APBB2: variants seen among roughly 807,000 people sequenced by gnomAD.
APBB2 encodes the protein amyloid beta precursor protein binding family B member 2.
Under a neutral mutation model 82.5 loss-of-function variants are expected in APBB2, and 38 were observed. The ratio of observed to expected loss-of-function variants is 0.46; its 90% CI spans 0.36 to 0.60. APBB2 has a LOEUF of 0.60. APBB2 is among the 20% of genes least tolerant of loss of function. The pLI, the probability that APBB2 is intolerant of heterozygous loss-of-function variation, is 0.00. For missense variants in APBB2, 772 were observed against 972.3 expected (o/e 0.79, Z 2.74); for synonymous variants, 341 against 368.2 (o/e 0.93, Z 0.85).
intron 2 of APBB2, among the ~76,000 whole-genome samples, chr4:41,128,678 C>A (rs1421547065): frequency 1.3e-5 from 2 of 152,130 alleles, no homozygotes; most frequent in African/African-American, 4.8e-5. Flanking sequence ...GCTGGATATA[C>A]AGCAGTGAAC....
In APBB2 at chr4:40,810,895, T is replaced by G. The variant is rs1744272054; in HGVS notation, c.*5197A>C. 3 of 152,224 alleles carry G rather than the reference T, an allele frequency of 2.0e-5. No individual in the cohort carries two copies. The highest frequency in any genetic ancestry group is 2.0e-4 in the Admixed American group (3 of 15,280). The allele number at this position is 152,224 out of a possible 1,614,324, so 9.4% of individuals were successfully genotyped here. A position where few individuals can be genotyped will look rare whatever the true frequency, so the allele number is the denominator to read the frequency against. ...TTGTTCAGTAAAGAATCCCATTGTG[T>G]ATCATAAGAATCCCTTATCCTTTTC... On this transcript the variant is annotated 3_prime_UTR_variant, in exon 18 of 18. Transcript: ENST00000508593.
intron 6 of APBB2, among the ~76,000 whole-genome samples, chr4:40,946,683 T>C (rs1788544801): frequency 1.3e-5 from 2 of 151,504 alleles, no homozygotes; most frequent in African/African-American, 2.4e-5. Flanking sequence ...TCAATGTATG[T>C]AGGAAGAAAA....
At chr4:41,060,207 G>C (rs1173451616) in intron 4 of APBB2, among the ~76,000 whole-genome samples, 1 of 152,074 alleles carries the variant, frequency 6.6e-6, no homozygotes, top group Non-Finnish European at 1.5e-5. Flanking sequence ...CAAAACCTGT[G>C]CCCAAGAGCT....
chr4:40,821,804 T>C, intron 17 of APBB2, 67 bp downstream of exon 17: 3 of 1,559,088 alleles, frequency 1.9e-6, no homozygotes, highest in East Asian at 2.3e-5. Context: ...GATTCTGCTA[T>C]AATGTATGGC....
chr4:41,010,576 G>A (rs1289690476), intron 6 of APBB2, among the ~76,000 whole-genome samples: 1 of 152,144 alleles, frequency 6.6e-6, no homozygotes, highest in African/African-American at 2.4e-5. Flanking sequence ...AGACTGGAGT[G>A]CACAAACTTT....
chr4:40,922,979 C>CT (rs5857757), intron 10 of APBB2, among the ~76,000 whole-genome samples: 7,576 of 140,544 alleles, frequency 0.054, 636 homozygotes, highest in African/African-American at 0.18. Flanking sequence ...CAATTTTTTT[C>CT]TTTTTTTTTT....
At position 40,994,536 on chromosome 4, in the gene APBB2, G is replaced by C. The variant is rs568514823; in HGVS notation, c.835+19047C>G. Among the ~76,000 whole-genome samples, 5 of 152,090 alleles carry C rather than the reference G, an allele frequency of 3.3e-5. No homozygotes were observed. The East Asian group carries it at 7.7e-4, about 24-fold the overall frequency. ...AGAAAATATTACTGTATCTTGGGCCGGGTGCAGTGACTCATGCCTGTAATC... is the reference window on the plus strand; with the variant it reads ...AGAAAATATTACTGTATCTTGGGCCCGGTGCAGTGACTCATGCCTGTAATC... On this transcript the variant is annotated intron_variant, in intron 6 of 17. Transcript: ENST00000508593.
intron 6 of APBB2, among the ~76,000 whole-genome samples, chr4:40,967,514 T>A (rs1474912826): frequency 1.3e-5 from 2 of 152,134 alleles, no homozygotes; most frequent in Non-Finnish European, 2.9e-5. Context: ...GTGCCAGCCA[T>A]GGAAGTTACT....
intron 10 of APBB2, among the ~76,000 whole-genome samples, chr4:40,923,376 G>A: frequency 6.6e-6 from 1 of 152,252 alleles, no homozygotes; most frequent in Non-Finnish European, 1.5e-5. Context: ...AAGCCTGAGA[G>A]AACAAGTTCT....
At chr4:41,141,918 G>A (rs1170581444) in intron 2 of APBB2, among the ~76,000 whole-genome samples, 2 of 152,186 alleles carry the variant, frequency 1.3e-5, no homozygotes, top group Non-Finnish European at 2.9e-5. Context: ...AATTATGAGA[G>A]TTACAATTCA....
chr4:41,048,906 C>G (rs146793770), intron 4 of APBB2, among the ~76,000 whole-genome samples: 3 of 152,030 alleles, frequency 2.0e-5, no homozygotes, highest in Non-Finnish European at 4.4e-5. Flanking sequence ...AGCTCCTAAC[C>G]GTGAGTGATC....
intron 1 of APBB2, among the ~76,000 whole-genome samples, chr4:41,163,418 C>A (rs569454182): frequency 8.5e-5 from 13 of 152,064 alleles, no homozygotes; most frequent in African/African-American, 2.7e-4. Flanking sequence ...CAAGAATGAC[C>A]AAAGAAAGAA....
intron 6 of APBB2, among the ~76,000 whole-genome samples, chr4:40,949,885 C>A (rs779224798): frequency 3.3e-5 from 5 of 152,090 alleles, no homozygotes; most frequent in Non-Finnish European, 7.4e-5. Flanking sequence ...GTGGGAATAC[C>A]TAAAAAACCT....
chr4:40,838,579 C>T (rs1320627528), intron 12 of APBB2, among the ~76,000 whole-genome samples: 1 of 152,196 alleles, frequency 6.6e-6, no homozygotes, highest in African/African-American at 2.4e-5. Context: ...TCGTGATCCG[C>T]CTGCCTCGGC....
chr4:41,066,612 A>C (rs550291847), intron 3 of APBB2, among the ~76,000 whole-genome samples: 1 of 152,286 alleles, frequency 6.6e-6, no homozygotes, highest in African/African-American at 2.4e-5. Context: ...GGGGATGCCT[A>C]GCATGTCCTA....
At chr4:40,982,364 AAGGAAGG>A (rs1799082856) in intron 6 of APBB2, among the ~76,000 whole-genome samples, 3 of 16,460 alleles carry the variant, frequency 1.8e-4, no homozygotes, top group Admixed American at 8.1e-4. Flanking sequence ...GGAAGGAAGG[AAGGAAGG>A]AAGGAAGGAA....
Position 40,840,166 on chromosome 4 carries a change from G to A in APBB2, c.1530-9589C>T, listed in dbSNP as rs552609740. On this transcript the variant is annotated intron_variant, in intron 12 of 17. Coordinates refer to ENST00000508593, the MANE Select transcript of APBB2 (RefSeq NM_004307.2). ...CGCACTTCTGGCACTTTAGGACAAA[G>A]GGCTTTCTCTCCTCTTTGTTTCACC... 8.5e-4 allele frequency among the ~76,000 whole-genome samples: 129 copies of A among 152,294 alleles called. 1 individual carries two copies. The highest frequency in any genetic ancestry group is 3.0e-3 in the African/African-American group (126 of 41,546).
At chr4:40,963,620 T>C (rs188439508) in intron 6 of APBB2, among the ~76,000 whole-genome samples, 3 of 152,360 alleles carry the variant, frequency 2.0e-5, no homozygotes, top group Admixed American at 6.5e-5. Context: ...TCATCACACA[T>C]AAATGATCCT....
In APBB2 at chr4:40,996,014, T is replaced by C. The variant is rs758010215; in HGVS notation, c.835+17569A>G. Among the ~76,000 whole-genome samples the C allele has an allele frequency of 1.3e-5, 2 of 152,196 alleles. 1 individual carries two copies. The highest frequency in any genetic ancestry group is 4.1e-4 in the South Asian group (2 of 4,830). Reference sequence around the variant, plus strand: ...CTGGTTTTAGAGCCTCTTAGCTAGATTGTTGGCCACAGTTATTTCACTGAG... The same window carrying C: ...CTGGTTTTAGAGCCTCTTAGCTAGACTGTTGGCCACAGTTATTTCACTGAG... On this transcript the variant is annotated intron_variant, in intron 6 of 17. Coordinates refer to ENST00000508593, the MANE Select transcript of APBB2 (RefSeq NM_004307.2).
Sources: allele counts gnomAD v4.1 joint callset (sites outside exome capture counted in the v4.1 genomes callset), GRCh38; gene constraint gnomAD v4.1.1; transcripts MANE v1.5; gene names NCBI Gene and HGNC (gene_info 2026-07-23, HGNC 2026-07-21).